TXNDC11: variants seen among roughly 807,000 people sequenced by gnomAD.
TXNDC11 encodes the protein thioredoxin domain-containing protein 11.
In TXNDC11, 68 loss-of-function variants were observed where a neutral mutation model predicts 78.0. That is an observed-to-expected ratio of 0.87 (90% CI 0.72 to 1.07). The LOEUF (loss-of-function observed/expected upper bound fraction) is 1.07. TXNDC11 is among the 50% of genes least tolerant of loss of function. TXNDC11 has a pLI of 0.00. For missense variants in TXNDC11, 1,389 were observed against 1,221.8 expected (o/e 1.14, Z -2.04); for synonymous variants, 571 against 495.2 (o/e 1.15, Z -2.03).
intron 5 of TXNDC11, among the ~76,000 whole-genome samples, chr16:11,717,820 C>CA (rs563811277): frequency 0.011 from 1,409 of 126,752 alleles, 17 homozygotes; most frequent in South Asian, 0.022. Context: ...GACTCTGTCT[C>CA]AAAAAAAAAA....
rs749586266 is a variant in TXNDC11, at chr16:11,688,356, A to G, written c.1990T>C (p.Leu664=). The G allele has an allele frequency of 1.2e-6, 2 of 1,614,074 alleles. No individual in the cohort carries two copies. Among genetic ancestry groups the G allele is most frequent in the African/African-American group, 2.7e-5 (2 of 74,926 alleles). Reference sequence around the variant, plus strand: ...GTATCAGTTGTCACTTCAGTGATTAAATGCTGAGACGGGAACTGGGCAGAG... The same window carrying G: ...GTATCAGTTGTCACTTCAGTGATTAGATGCTGAGACGGGAACTGGGCAGAG... ...SGSAQFPSQH[L]ITEVTTDTFW... is the part of the protein sequence containing the mutation. Residue 664 remains leucine, a synonymous_variant, in exon 9 of 12, where the codon TTA becomes CTA. Transcript: ENST00000283033.
chr16:11,721,425 C>T (rs1034827646), intron 5 of TXNDC11, 152 bp downstream of exon 5: 12 of 433,086 alleles, frequency 2.8e-5, no homozygotes, highest in South Asian at 6.3e-5. Context: ...GGCGGCAGGG[C>T]GAGACTCCAT....
intron 4 of TXNDC11, among the ~76,000 whole-genome samples, chr16:11,726,147 G>C (rs55934118): frequency 0.47 from 71,562 of 151,818 alleles, 17,172 homozygotes; most frequent in Middle Eastern, 0.56. Flanking sequence ...CCAAGTGCTG[G>C]GGTTGCAGGC....
At chr16:11,697,761 C>T (rs947177874) in intron 7 of TXNDC11, among the ~76,000 whole-genome samples, 4 of 152,198 alleles carry the variant, frequency 2.6e-5, no homozygotes, top group African/African-American at 9.6e-5. Flanking sequence ...ACACTAAACT[C>T]GGCCTGTGTT....
At chr16:11,703,762 A>G (rs1432407469) in intron 5 of TXNDC11, 1 of 700,928 alleles carries the variant, frequency 1.4e-6, no homozygotes, top group Non-Finnish European at 2.6e-6. Context: ...TGGGGTGAAG[A>G]AAGTACAAGA....
intron 5 of TXNDC11, chr16:11,703,707 A>G: frequency 1.4e-6 from 1 of 702,400 alleles, no homozygotes; most frequent in Non-Finnish European, 2.6e-6. Context: ...GCCATTCTCC[A>G]GTAAAAGAAA....
At position 11,691,363 on chromosome 16, in the gene TXNDC11, C is replaced by T. The variant is rs763458238; in HGVS notation, c.1827G>A (p.Ala609=). Residue 609 remains alanine, a synonymous_variant, in exon 8 of 12, where the codon GCG becomes GCA. Coordinates refer to ENST00000283033, the MANE Select transcript of TXNDC11 (RefSeq NM_015914.7). The part of the protein sequence containing the change: ...APSSTQVKEF[A]AIVDVKEESH... ...ATTCTTCTTTCACGTCAACAATTGC[C>T]GCAAATTCTTTCACCTGAGTGGAGC... 9 of 1,614,222 alleles carry T rather than the reference C, an allele frequency of 5.6e-6. No homozygotes were observed. The South Asian group carries it at 8.8e-5, about 16-fold the overall frequency.
At chr16:11,709,496 G>T (rs1399042801) in intron 5 of TXNDC11, among the ~76,000 whole-genome samples, 1 of 141,840 alleles carries the variant, frequency 7.1e-6, no homozygotes. Flanking sequence ...GTGCAGTGGC[G>T]CGATCTCGGC....
chr16:11,710,500 C>T (rs1190318681), intron 5 of TXNDC11, among the ~76,000 whole-genome samples: 2 of 152,192 alleles, frequency 1.3e-5, no homozygotes, highest in African/African-American at 2.4e-5. Flanking sequence ...AACCTGAAAC[C>T]TGAAGGCCAG....
intron 5 of TXNDC11, among the ~76,000 whole-genome samples, chr16:11,706,883 G>A (rs896800550): frequency 2.0e-5 from 3 of 152,100 alleles, no homozygotes; most frequent in South Asian, 2.1e-4. Flanking sequence ...TTTGAACTGC[G>A]TGGGTCCACT....
intron 5 of TXNDC11, among the ~76,000 whole-genome samples, chr16:11,717,108 G>GAA (rs200390869): frequency 3.8e-5 from 5 of 132,684 alleles, no homozygotes; most frequent in Admixed American, 7.6e-5. Context: ...AGATTTTCAG[G>GAA]AAAAAAAAAA....
At chr16:11,688,077 A>G (rs546186464) in intron 9 of TXNDC11, 111 bp from the exon 10 acceptor site, 1 of 966,608 alleles carries the variant, frequency 1.0e-6, no homozygotes, top group Non-Finnish European at 1.6e-6. Flanking sequence ...ACCTATGCAA[A>G]TATTACAGTG....
In TXNDC11 at chr16:11,691,940, G is replaced by A. The variant is rs781579524; in HGVS notation, c.1250C>T (p.Thr417Met). ...EVPAQLPDPP[T>M]ITASPCCNTV... ...GTTGCAGCAGGGGGACGCTGTGATC[G>A]TTGGCGGGTCTGGCAGCTGTGCCGG... Residue 417 changes from threonine (T) to methionine (M), a missense_variant, in exon 8 of 12, where the codon ACG becomes ATG. Thr to Met is a moderately conservative substitution (Grantham distance 81). Transcript: ENST00000283033. 7.4e-6 allele frequency: 12 copies of A among 1,611,920 alleles called. No homozygotes were observed. Among genetic ancestry groups the A allele is most frequent in the East Asian group, 2.2e-5 (1 of 44,840 alleles).
In TXNDC11 at chr16:11,698,401, C is replaced by T. The variant is rs2050918361; in HGVS notation, c.907-76G>A. The stretch of plus-strand genomic sequence containing the variant: ...AAGCTCAAGGCACATCAGTGCTGTT[C>T]CAACCCCACCACTAAGGGTGAGAAA... On this transcript the variant is annotated intron_variant, in intron 6 of 11. Coordinates refer to ENST00000283033, the MANE Select transcript of TXNDC11 (RefSeq NM_015914.7). 8.4e-6 allele frequency: 11 copies of T among 1,316,030 alleles called. No homozygotes were observed. In the South Asian group the frequency reaches 1.3e-4, roughly 16 times the overall value. The allele number at this position is 1,316,030 out of a possible 1,614,324, so 81.5% of individuals were successfully genotyped here.
At chr16:11,723,937 T>C (rs1175647351) in intron 4 of TXNDC11, among the ~76,000 whole-genome samples, 2 of 152,148 alleles carry the variant, frequency 1.3e-5, no homozygotes, top group Non-Finnish European at 2.9e-5. Context: ...ATAGAAGAGT[T>C]TGAAATAATA....
rs2050622272 is a variant in TXNDC11 at position 11,688,388 on chromosome 16, C to T, written c.1958G>A (p.Gly653Glu). 1.2e-6 allele frequency: 2 copies of T among 1,613,922 alleles called. No homozygotes were observed. Among genetic ancestry groups the T allele is most frequent in the Non-Finnish European group, 1.7e-6 (2 of 1,179,938 alleles). The change falls in exon 9 of 12, where the codon GGA (glycine) becomes GAA (glutamate). Residue 653 changes from glycine (G) to glutamate (E), a missense_variant. Transcript: ENST00000283033. Reference sequence around the variant, plus strand: ...AGACGGGAACTGGGCAGAGCCACTTCCAATGAGATGCCTTTTCAAGGGACT... The same window carrying T: ...AGACGGGAACTGGGCAGAGCCACTTTCAATGAGATGCCTTTTCAAGGGACT... ...LYSPLKRHLI[G>E]SGSAQFPSQH...
In TXNDC11 at chr16:11,679,798, G is replaced by C; in HGVS notation, c.2274C>G (p.Ile758Met). The change falls in exon 12 of 12, where the codon ATC becomes ATG. Residue 758 changes from isoleucine to methionine, a missense_variant. By Grantham distance (10) the Ile-to-Met change is conservative (BLOSUM62 1). Transcript: ENST00000283033. The surrounding 1 kb of genome is among the most constrained non-coding windows in gnomAD (Gnocchi z 4.6). ...LSVKYPEDVPITLPNLLRFIL... is the reference protein window; with the variant it reads ...LSVKYPEDVPMTLPNLLRFIL... ...TGAACCTCAACAGGTTTGGAAGGGT[G>C]ATGGGGACGTCTTCGGGGTATTTCA... The C allele has an allele frequency of 6.2e-7, 1 of 1,613,916 alleles. No individual in the cohort carries two copies. The highest frequency in any genetic ancestry group is 8.5e-7 in the Non-Finnish European group (1 of 1,179,822).
intron 2 of TXNDC11, 129 bp from the exon 3 acceptor site, chr16:11,734,208 TTTGAG>T: frequency 1.4e-6 from 1 of 703,062 alleles, no homozygotes; most frequent in Non-Finnish European, 2.4e-6. Flanking sequence ...AAAAAACTGT[TTTGAG>T]TTTTCAAAGG....
At chr16:11,734,163 G>C in intron 2 of TXNDC11, 84 bp from the exon 3 acceptor site, 1 of 858,034 alleles carries the variant, frequency 1.2e-6, no homozygotes, top group Non-Finnish European at 1.9e-6. Context: ...TTTAAAAATA[G>C]AATGATTCCT....
Sources: gnomAD v4.1 joint callset for allele counts (sites outside exome capture counted in the v4.1 genomes callset) on GRCh38, gnomAD v4.1.1 for gene constraint, Gnocchi (gnomAD v3.1) non-coding constraint, MANE v1.5 for transcripts, NCBI Gene and HGNC (gene_info 2026-07-23, HGNC 2026-07-21) for gene names.